CADPS: variants seen among roughly 807,000 people sequenced by gnomAD.
CADPS encodes calcium dependent secretion activator.
Under a neutral mutation model 167.3 loss-of-function variants are expected in CADPS, and 57 were observed. That is an observed-to-expected ratio of 0.34 (90% CI 0.28 to 0.42). CADPS has a LOEUF of 0.42. Among genes scored for constraint, CADPS ranks in the 20% least tolerant of loss-of-function variants. The pLI, the probability that CADPS is intolerant of heterozygous loss-of-function variation, is 1.00. For missense variants in CADPS, 1,414 were observed against 1,738.1 expected, an observed-to-expected ratio of 0.81 and a Z score of 3.32; for synonymous variants, 676 against 635.3, an observed-to-expected ratio of 1.06 and a Z score of -0.96.
At chr3:62,492,570 T>C (rs1158797739) in intron 19 of CADPS, 124 bp from the exon 20 acceptor site, 2 of 955,698 alleles carry the variant, frequency 2.1e-6, no homozygotes, top group African/African-American at 3.3e-5. Flanking sequence ...TTGGTAATTT[T>C]ATTGTAAAGA....
intron 4 of CADPS, among the ~76,000 whole-genome samples, chr3:62,656,869 C>T (rs2071743720): frequency 6.6e-6 from 1 of 152,146 alleles, no homozygotes; most frequent in Non-Finnish European, 1.5e-5. Flanking sequence ...GACTTCCTTC[C>T]ACTTGAACAA....
At chr3:62,683,057 G>A (rs745689219) in intron 3 of CADPS, among the ~76,000 whole-genome samples, 4 of 152,100 alleles carry the variant, frequency 2.6e-5, no homozygotes, top group Non-Finnish European at 5.9e-5. Context: ...GCAGGTCAGT[G>A]TGGCTGGAGT....
chr3:62,807,646 G>A (rs2094170607), intron 1 of CADPS, among the ~76,000 whole-genome samples: 1 of 151,866 alleles, frequency 6.6e-6, no homozygotes. Context: ...TATTTTCATA[G>A]GGGTGAGCTC....
intron 17 of CADPS, among the ~76,000 whole-genome samples, chr3:62,505,302 A>C (rs1422635240): frequency 6.6e-6 from 1 of 152,174 alleles, no homozygotes; most frequent in Non-Finnish European, 1.5e-5. Context: ...GGTCAGTCTA[A>C]AGTATGTGTT....
chr3:62,599,811 AATATATTATATATT>A (rs1344986045), intron 6 of CADPS, among the ~76,000 whole-genome samples: 1 of 13,990 alleles, frequency 7.1e-5, no homozygotes, highest in Non-Finnish European at 1.2e-4. Context: ...TATAATAAAT[AATATATTATATATT>A]ATATATATAA....
chr3:62,578,682 T>C (rs1342686718), intron 8 of CADPS, among the ~76,000 whole-genome samples: 5 of 149,104 alleles, frequency 3.4e-5, no homozygotes, highest in Admixed American at 3.3e-4. Context: ...CTTCAGAATA[T>C]ATGAAGCAAA....
chr3:62,758,309 C>A (rs559292818), intron 2 of CADPS, among the ~76,000 whole-genome samples: 1 of 152,192 alleles, frequency 6.6e-6, no homozygotes, highest in Admixed American at 6.5e-5. Context: ...TGCCAGATCC[C>A]AGAAAGAGGA....
intron 26 of CADPS, among the ~76,000 whole-genome samples, chr3:62,456,550 A>G (rs1302473244): frequency 6.6e-6 from 1 of 152,196 alleles, no homozygotes; most frequent in Middle Eastern, 3.2e-3. Flanking sequence ...TCTTCTTGAC[A>G]TAAGGATAAA....
intron 6 of CADPS, among the ~76,000 whole-genome samples, chr3:62,617,878 G>A (rs990670168): frequency 3.3e-5 from 5 of 152,140 alleles, no homozygotes; most frequent in Non-Finnish European, 5.9e-5. Context: ...GTGAACATCT[G>A]TTGTTTTTGC....
chr3:62,865,288 A>T (rs2081477473), intron 1 of CADPS, among the ~76,000 whole-genome samples: 3 of 151,510 alleles, frequency 2.0e-5, no homozygotes, highest in Admixed American at 2.0e-4. Context: ...TCTCTGGACC[A>T]CTTGGCATGT....
chr3:62,665,917 C>G (rs549788461), intron 3 of CADPS, among the ~76,000 whole-genome samples: 1 of 152,322 alleles, frequency 6.6e-6, no homozygotes, highest in Admixed American at 6.5e-5. Context: ...GCTTGGCATG[C>G]AGCAAACCCT....
chr3:62,824,665 A>G (rs896324354), intron 1 of CADPS, among the ~76,000 whole-genome samples: 1 of 152,218 alleles, frequency 6.6e-6, no homozygotes, highest in African/African-American at 2.4e-5. Flanking sequence ...CTCACAGCAC[A>G]AGTGAAGCAT....
At chr3:62,791,997 C>T (rs304216) in intron 1 of CADPS, among the ~76,000 whole-genome samples, 4 of 152,038 alleles carry the variant, frequency 2.6e-5, no homozygotes, top group African/African-American at 9.7e-5. Context: ...CCTTAAACCA[C>T]CTGGACCTTT....
In CADPS at chr3:62,549,751, T is replaced by C. The variant is rs1423672982; in HGVS notation, c.1966+152A>G. 2.2e-5 allele frequency: 14 copies of C among 636,906 alleles called. No individual in the cohort carries two copies. In the East Asian group the frequency reaches 3.9e-4, roughly 18 times the overall value. 39.5% of individuals were successfully genotyped at this position (636,906 alleles called of 1,614,324 possible). Reference sequence around the variant, plus strand: ...TTTAAAATTACTTTCATCTAACATTTGCCCCAACTTTCCCCCTGAATTCAC... The same window carrying C: ...TTTAAAATTACTTTCATCTAACATTCGCCCCAACTTTCCCCCTGAATTCAC... On this transcript the variant is annotated intron_variant, in intron 11 of 29. Transcript: ENST00000383710.
chr3:62,693,026 C>T (rs544557984), intron 3 of CADPS, among the ~76,000 whole-genome samples: 4 of 77,124 alleles, frequency 5.2e-5, no homozygotes, highest in African/African-American at 2.1e-4. Flanking sequence ...CAATCGTTTA[C>T]CAATTTCTTG....
chr3:62,417,039 C>T (rs1391079373), intron 28 of CADPS, among the ~76,000 whole-genome samples: 2 of 151,934 alleles, frequency 1.3e-5, no homozygotes, highest in East Asian at 3.9e-4. Context: ...GCGTGCACCA[C>T]CGTGCCCAGC....
Position 62,852,099 on chromosome 3 carries a change from T to A in CADPS, c.441+22490A>T, listed in dbSNP as rs1228997999. Among the ~76,000 whole-genome samples, 15 of 148,106 alleles carry A rather than the reference T, an allele frequency of 1.0e-4. 2 individuals are homozygous for A. The South Asian group carries it at 3.5e-3, about 34-fold the overall frequency. On this transcript the variant is annotated intron_variant, in intron 1 of 29. Transcript: ENST00000383710. ...TGAGGCTTCTGCATTCTTCACGTAG[T>A]TCTCGAGCCTTGGTTTTCAGCTCCA...
chr3:62,727,536 A>G (rs2076967381), intron 3 of CADPS, among the ~76,000 whole-genome samples: 1 of 151,918 alleles, frequency 6.6e-6, no homozygotes, highest in Non-Finnish European at 1.5e-5. Flanking sequence ...AGCCTCTTCA[A>G]CAAAAAAAAC....
rs71631127 is a variant in CADPS at position 62,721,134 on chromosome 3, TAAAAAA to T, written c.888+32301_888+32306del. Among the ~76,000 whole-genome samples the T allele has an allele frequency of 3.2e-3, 370 of 116,166 alleles. 5 individuals are homozygous for T. Among genetic ancestry groups the T allele is most frequent in the South Asian group, 0.01 (34 of 3,276 alleles). 76.2% of individuals were successfully genotyped at this position (116,166 alleles called of 152,430 possible). On this transcript the variant is annotated intron_variant, in intron 3 of 29. Transcript: ENST00000383710. ...GCCCGGCAGGTTTTTTTTTTTTTTT[TAAAAAA>T]AAAAAGAAGAAAAAAGAAAAAGTAA...
Sources: gnomAD v4.1 joint callset for allele counts (sites outside exome capture counted in the v4.1 genomes callset) on GRCh38, gnomAD v4.1.1 for gene constraint, MANE v1.5 for transcripts, NCBI Gene and HGNC (gene_info 2026-07-23, HGNC 2026-07-21) for gene names.